The following DUSP18 variants were observed in gnomAD, a reference collection of about 807,000 sequenced individuals.
DUSP18 encodes dual specificity phosphatase 18, also known as dual specificity protein phosphatase 18.
DUSP18 carries 4 observed loss-of-function variants against 6.3 expected under a neutral mutation model. The observed-to-expected ratio is 0.63, with a 90% CI of 0.31 to 1.45. The LOEUF (loss-of-function observed/expected upper bound fraction) is 1.45. Ranked by LOEUF, DUSP18 falls within the 40% of genes most tolerant of loss-of-function variation. DUSP18 has a pLI of 0.07. For synonymous variants in DUSP18, 96 were observed against 95.1 expected (o/e 1.01, Z -0.05); for missense variants, 235 against 247.7 (o/e 0.95, Z 0.34).
chr22:30,657,209 TG>T (rs999020318), downstream of DUSP18, among the ~76,000 whole-genome samples: 7 of 151,088 alleles, frequency 4.6e-5, no homozygotes, highest in Non-Finnish European at 5.9e-5. Flanking sequence ...CCGAGGTGGG[TG>T]GATCACCTGA....
chr22:30,667,427 T>C (rs1477799780), intron 1 of DUSP18, 35 bp downstream of exon 1: 1 of 152,206 alleles, frequency 6.6e-6, no homozygotes, highest in Non-Finnish European at 1.5e-5. Flanking sequence ...ATAGGCTTCT[T>C]CGCCTGCTTA....
chr22:30,663,695 G>C lies in DUSP18; in HGVS notation c.309C>G (p.His103Gln), dbSNP rs750679648. The change falls in exon 2 of 2, where the codon CAC becomes CAG. Residue 103 changes from histidine (H) to glutamine (Q), a missense_variant. Physicochemically the swap from His to Gln is conservative, Grantham distance 24. Transcript: ENST00000334679. The stretch of plus-strand genomic sequence containing the variant: ...CTGAGCGGCTCACACCAGCAGCACA[G>C]TGCAGCAAAGTACGGCCCTGCTTCA... ...VEMKQGRTLL[H>Q]CAAGVSRSAA... is the part of the protein sequence containing the mutation. 1.2e-6 allele frequency: 2 copies of C among 1,614,254 alleles called. No homozygotes were observed. The highest frequency in any genetic ancestry group is 2.2e-5 in the East Asian group (1 of 44,884).
intron 1 of DUSP18, among the ~76,000 whole-genome samples, 179 bp from the exon 2 acceptor site, chr22:30,664,259 C>T (rs1156834079): frequency 2.6e-5 from 4 of 152,210 alleles, no homozygotes; most frequent in Non-Finnish European, 2.9e-5. Flanking sequence ...TCCAAACCCA[C>T]AGTCAGACTC....
At chr22:30,666,351 T>G (rs1488873423) in intron 1 of DUSP18, among the ~76,000 whole-genome samples, 1 of 152,142 alleles carries the variant, frequency 6.6e-6, no homozygotes, top group Non-Finnish European at 1.5e-5. Context: ...CTGGGCACGG[T>G]GGCTTAAGCC....
chr22:30,663,680 C>T lies in DUSP18; in HGVS notation c.324G>A (p.Val108=). ...GRTLLHCAAG[V]SRSAALCLAY... Reference sequence around the variant, plus strand: ...CGAGGCACAGGGCAGCTGAGCGGCTCACACCAGCAGCACAGTGCAGCAAAG... The same window carrying T: ...CGAGGCACAGGGCAGCTGAGCGGCTTACACCAGCAGCACAGTGCAGCAAAG... Residue 108 remains valine, a synonymous_variant, in exon 2 of 2, where the codon GTG becomes GTA. Transcript: ENST00000334679. The T allele has an allele frequency of 6.2e-7, 1 of 1,614,242 alleles. No individual in the cohort carries two copies. Among genetic ancestry groups the T allele is most frequent in the Non-Finnish European group, 8.5e-7 (1 of 1,180,042 alleles).
At chr22:30,653,725 C>T (rs1254261701) in intron 2 of DUSP18, among the ~76,000 whole-genome samples, 1 of 151,924 alleles carries the variant, frequency 6.6e-6, no homozygotes, top group Non-Finnish European at 1.5e-5. Context: ...GCTGCCTAGG[C>T]TGGGAATTTC....
chr22:30,664,146 G>A, intron 1 of DUSP18, 66 bp from the exon 2 acceptor site: 1 of 709,124 alleles, frequency 1.4e-6, no homozygotes, highest in Non-Finnish European at 2.4e-6. Context: ...GGATCCCTGG[G>A]AAATGGATGG....
At chr22:30,665,644 T>C (rs1282776363) in intron 1 of DUSP18, 6 of 434,638 alleles carry the variant, frequency 1.4e-5, no homozygotes, top group Admixed American at 1.3e-4. Context: ...TAGCCCTATG[T>C]TCTCTCCTTC....
rs1343478966 is a variant in DUSP18, at chr22:30,662,074, A to T, written c.*1363T>A. ...TTTACACACAGGGTAACTTTTTGGAAGAGTACTTTGTAACAATAAAGTGCT... is the reference window on the plus strand; with the variant it reads ...TTTACACACAGGGTAACTTTTTGGATGAGTACTTTGTAACAATAAAGTGCT... On this transcript the variant is annotated 3_prime_UTR_variant, in exon 2 of 2. Coordinates refer to ENST00000334679, the MANE Select transcript of DUSP18 (RefSeq NM_152511.5). The T allele has an allele frequency of 1.4e-5, 2 of 146,194 alleles. No individual in the cohort carries two copies. Among genetic ancestry groups the T allele is most frequent in the Non-Finnish European group, 3.0e-5 (2 of 66,886 alleles). 9.1% of individuals were successfully genotyped at this position (146,194 alleles called of 1,614,324 possible). A position where few individuals can be genotyped will look rare whatever the true frequency, so the allele number is the denominator to read the frequency against.
chr22:30,659,485 C>T (rs946632496), downstream of DUSP18, among the ~76,000 whole-genome samples: 4 of 151,882 alleles, frequency 2.6e-5, no homozygotes, highest in Non-Finnish European at 5.9e-5. Flanking sequence ...GCGATTCTTC[C>T]GCCTCAGCCT....
In DUSP18 at chr22:30,663,542, A is replaced by G. The variant is rs2088547008; in HGVS notation, c.462T>C (p.Tyr154=). The change falls in exon 2 of 2, where the codon TAT becomes TAC. Residue 154 remains tyrosine (Y), a synonymous_variant. Coordinates refer to ENST00000334679, the MANE Select transcript of DUSP18 (RefSeq NM_152511.5). ...TGTTCTTGCCAAACAATTGGAACTC[A>G]TAGTGGATGAGCTGCTCCCAAAAGC... The part of the protein sequence containing the change: ...NSGFWEQLIH[Y]EFQLFGKNTV... 2 of 1,614,208 alleles carry G rather than the reference A, an allele frequency of 1.2e-6. No individual in the cohort carries two copies. Among genetic ancestry groups the G allele is most frequent in the Middle Eastern group, 1.6e-4 (1 of 6,062 alleles).
downstream of DUSP18, among the ~76,000 whole-genome samples, chr22:30,657,732 A>G (rs574437818): frequency 6.7e-4 from 101 of 151,204 alleles, 2 homozygotes; most frequent in East Asian, 0.017. Flanking sequence ...GTGAAACCCC[A>G]TCTCTACTAA....
downstream of DUSP18, among the ~76,000 whole-genome samples, chr22:30,656,917 C>G (rs571687655): frequency 2.6e-5 from 4 of 152,026 alleles, no homozygotes. Context: ...GAGTTCGAGA[C>G]CAGCCTGGTC....
downstream of DUSP18, among the ~76,000 whole-genome samples, chr22:30,656,675 T>C (rs924586380): frequency 6.6e-6 from 1 of 152,222 alleles, no homozygotes; most frequent in African/African-American, 2.4e-5. Flanking sequence ...AAAAGGCTGC[T>C]CTACTCTGAG....
Position 30,663,769 on chromosome 22 carries a change from G to C in DUSP18, c.235C>G (p.Leu79Val). 6 of 1,614,212 alleles carry C rather than the reference G, an allele frequency of 3.7e-6. No homozygotes were observed. The highest frequency in any genetic ancestry group is 5.1e-6 in the Non-Finnish European group (6 of 1,180,026). Reference sequence around the variant, plus strand: ...GCAATAGGGTCAAAGAAGTCACAGAGACGTGAGTTAGGGGAGTCAGCCACA... The same window carrying C: ...GCAATAGGGTCAAAGAAGTCACAGACACGTGAGTTAGGGGAGTCAGCCACA... The part of the protein sequence containing the change: ...VPVADSPNSR[L>V]CDFFDPIADH... The change falls in exon 2 of 2, where the codon CTC (leucine) becomes GTC (valine). Residue 79 changes from leucine (L) to valine (V), a missense_variant. Leu to Val is a conservative substitution (Grantham distance 32). Transcript: ENST00000334679.
At chr22:30,655,887 G>A (rs2088329738) in intron 2 of DUSP18, among the ~76,000 whole-genome samples, 1 of 151,934 alleles carries the variant, frequency 6.6e-6, no homozygotes, top group African/African-American at 2.4e-5. Flanking sequence ...TCCTTCTTAG[G>A]TGATATTGGG....
chr22:30,660,625 C>G (rs1056637019), downstream of DUSP18, among the ~76,000 whole-genome samples: 3 of 152,164 alleles, frequency 2.0e-5, no homozygotes, highest in Admixed American at 2.0e-4. Flanking sequence ...TCCCAGATAT[C>G]TGAAACACAA....
chr22:30,656,106 T>G (rs1459097388), intron 2 of DUSP18, among the ~76,000 whole-genome samples: 1 of 151,946 alleles, frequency 6.6e-6, no homozygotes, highest in Non-Finnish European at 1.5e-5. Context: ...CCCAAGTAGC[T>G]GGGACTACAG....
chr22:30,665,989 T>C (rs2088639248), intron 1 of DUSP18, among the ~76,000 whole-genome samples: 1 of 152,066 alleles, frequency 6.6e-6, no homozygotes, highest in Admixed American at 6.6e-5. Context: ...GACCAAAGGT[T>C]GTATAGGCAA....
Sources: gnomAD v4.1 joint callset for allele counts (sites outside exome capture counted in the v4.1 genomes callset) on GRCh38, gnomAD v4.1.1 for gene constraint, MANE v1.5 for transcripts, NCBI Gene and HGNC (gene_info 2026-07-23, HGNC 2026-07-21) for gene names.